Variants in HDAC9 observed in about 807,000 individuals in gnomAD.
HDAC9 encodes histone deacetylase 9.
Under a neutral mutation model 139.4 loss-of-function variants are expected in HDAC9, and 41 were observed. The ratio of observed to expected loss-of-function variants is 0.29; its 90% CI spans 0.23 to 0.38. The LOEUF (loss-of-function observed/expected upper bound fraction) is 0.38. HDAC9 is among the 10% of genes least tolerant of loss of function. The probability of loss-of-function intolerance (pLI) is 1.00; values close to 1 mark genes in which losing one functional copy is unlikely to be tolerated. For missense variants in HDAC9, 1,147 were observed against 1,297.0 expected, an observed-to-expected ratio of 0.88 and a Z score of 1.78; for synonymous variants, 517 against 476.2, an observed-to-expected ratio of 1.09 and a Z score of -1.12.
intron 21 of HDAC9, among the ~76,000 whole-genome samples, chr7:18,871,906 T>C (rs552753826): frequency 2.2e-4 from 33 of 152,140 alleles, no homozygotes; most frequent in Admixed American, 1.0e-3. Flanking sequence ...ATAAATAATA[T>C]TCAGTTCAAA....
intron 1 of HDAC9, among the ~76,000 whole-genome samples, chr7:18,469,992 C>T (rs1043087451): frequency 2.0e-5 from 3 of 151,980 alleles, no homozygotes; most frequent in East Asian, 1.9e-4. Flanking sequence ...TTATTAATAA[C>T]GATTTTCCAA....
intron 16 of HDAC9, among the ~76,000 whole-genome samples, chr7:18,771,044 C>A (rs187893658): frequency 1.3e-5 from 2 of 152,244 alleles, no homozygotes; most frequent in Admixed American, 1.3e-4. Context: ...TGGGTAGTGT[C>A]AGACCCTTGA....
At chr7:18,577,732 CAT>C (rs995156568) in intron 2 of HDAC9, among the ~76,000 whole-genome samples, 4 of 152,024 alleles carry the variant, frequency 2.6e-5, no homozygotes, top group African/African-American at 9.7e-5. Flanking sequence ...GGGCAAGAAA[CAT>C]AGTGTAAAAG....
intron 22 of HDAC9, among the ~76,000 whole-genome samples, chr7:18,926,545 G>A (rs1431378214): frequency 1.3e-5 from 2 of 152,110 alleles, no homozygotes; most frequent in East Asian, 3.9e-4. Context: ...TCTAATAGAA[G>A]TATCAGAATT....
chr7:18,717,339 T>A (rs981509769), intron 12 of HDAC9, among the ~76,000 whole-genome samples: 18 of 151,990 alleles, frequency 1.2e-4, no homozygotes, highest in African/African-American at 4.4e-4. Context: ...ATAATAAAGA[T>A]CCTCACACGT....
upstream of HDAC9, among the ~76,000 whole-genome samples, chr7:18,492,637 C>T (rs187288144): frequency 6.6e-6 from 1 of 151,750 alleles, no homozygotes; most frequent in Admixed American, 6.6e-5. Context: ...TTTAAACTAC[C>T]CATCTACCTA....
chr7:18,227,902 C>G (rs536474772), intron 2 of HDAC9, among the ~76,000 whole-genome samples: 1 of 152,066 alleles, frequency 6.6e-6, no homozygotes, highest in Admixed American at 6.6e-5. Flanking sequence ...TTTTCTAAGC[C>G]GCTGTGCTAA....
intron 17 of HDAC9, among the ~76,000 whole-genome samples, chr7:18,797,222 A>G (rs1792878018): frequency 6.6e-6 from 1 of 152,180 alleles, no homozygotes; most frequent in South Asian, 2.1e-4. Flanking sequence ...AAATCTGATA[A>G]TCCTCTGTTT....
At chr7:18,712,103 C>A (rs1049791412) in intron 12 of HDAC9, among the ~76,000 whole-genome samples, 1 of 152,006 alleles carries the variant, frequency 6.6e-6, no homozygotes, top group South Asian at 2.1e-4. Context: ...TTGCCCATAG[C>A]CAGTCTTTGA....
intron 21 of HDAC9, among the ~76,000 whole-genome samples, chr7:18,854,550 A>G (rs1797532744): frequency 1.3e-5 from 2 of 152,106 alleles, no homozygotes; most frequent in Admixed American, 1.3e-4. Flanking sequence ...AGAAAGGAGA[A>G]TCAGAAGAAG....
intron 2 of HDAC9, among the ~76,000 whole-genome samples, chr7:18,252,117 G>A (rs953609189): frequency 6.6e-6 from 1 of 152,186 alleles, no homozygotes; most frequent in Non-Finnish European, 1.5e-5. Flanking sequence ...AGAAGATGAA[G>A]TCTTCTGCCT....
intron 1 of HDAC9, among the ~76,000 whole-genome samples, chr7:18,476,621 C>T (rs1271048718): frequency 6.6e-6 from 1 of 152,060 alleles, no homozygotes; most frequent in Non-Finnish European, 1.5e-5. Context: ...GTATTTCAGA[C>T]TTCATAATGT....
Position 18,118,307 on chromosome 7 carries a change from A to G in HDAC9, c.-97+31094A>G, listed in dbSNP as rs17138616. Among the ~76,000 whole-genome samples, 10 of 152,160 alleles carry G rather than the reference A, an allele frequency of 6.6e-5. 1 individual carries two copies. In the South Asian group the frequency reaches 2.1e-3, roughly 31 times the overall value. On this transcript the variant is annotated intron_variant, in intron 1 of 12. Transcript: ENST00000417496. Reference sequence around the variant, plus strand: ...TATTGTCAGTCCTTATGGTTCCTTGATGGGAAATATAGCAGATCCCTAACT... The same window carrying G: ...TATTGTCAGTCCTTATGGTTCCTTGGTGGGAAATATAGCAGATCCCTAACT...
upstream of HDAC9, among the ~76,000 whole-genome samples, chr7:18,491,123 T>C (rs1245334855): frequency 1.3e-5 from 2 of 151,916 alleles, no homozygotes; most frequent in Non-Finnish European, 2.9e-5. Flanking sequence ...AGAAAGCCTA[T>C]TATAATCCAG....
upstream of HDAC9, among the ~76,000 whole-genome samples, chr7:18,493,515 C>T (rs1416897586): frequency 6.6e-6 from 1 of 151,806 alleles, no homozygotes; most frequent in African/African-American, 2.4e-5. Context: ...AATAGTGAGT[C>T]CTTTTGTAAT....
At chr7:18,371,763 A>G (rs1784611550) in intron 1 of HDAC9, among the ~76,000 whole-genome samples, 1 of 152,194 alleles carries the variant, frequency 6.6e-6, no homozygotes, top group Non-Finnish European at 1.5e-5. Flanking sequence ...TAAAATGATT[A>G]AGGACATCAA....
intron 12 of HDAC9, among the ~76,000 whole-genome samples, chr7:18,721,184 TACA>T (rs1384223583): frequency 6.6e-6 from 1 of 152,114 alleles, no homozygotes; most frequent in East Asian, 1.9e-4. Context: ...GTATAAATAT[TACA>T]ACAATGAACA....
chr7:18,676,602 C>T (rs548901087), intron 12 of HDAC9, among the ~76,000 whole-genome samples: 2 of 152,030 alleles, frequency 1.3e-5, no homozygotes, highest in African/African-American at 4.8e-5. Context: ...TGAATTATAG[C>T]ACATTTAATG....
intron 22 of HDAC9, among the ~76,000 whole-genome samples, chr7:18,915,891 G>GTT (rs1803149831): frequency 6.6e-6 from 1 of 151,630 alleles, no homozygotes; most frequent in Admixed American, 6.6e-5. Context: ...ATGGGACTGG[G>GTT]CCCTTAGAGT....
Sources: gnomAD v4.1 joint callset for allele counts (sites outside exome capture counted in the v4.1 genomes callset) on GRCh38, gnomAD v4.1.1 for gene constraint, MANE v1.5 for transcripts, NCBI Gene and HGNC (gene_info 2026-07-23, HGNC 2026-07-21) for gene names.